The following HECW1 variants were observed in gnomAD, a reference collection of about 807,000 sequenced individuals.
HECW1 encodes HECT, C2 and WW domain containing E3 ubiquitin protein ligase 1, also known as E3 ubiquitin-protein ligase HECW1.
In HECW1, 61 loss-of-function variants were observed where a neutral mutation model predicts 182.3. That is an observed-to-expected ratio of 0.33 (90% CI 0.27 to 0.41). HECW1 has a LOEUF of 0.41. Ranked by LOEUF, HECW1 falls within the 10% of genes least tolerant of loss-of-function variation. HECW1 has a pLI of 1.00. For synonymous variants in HECW1, 859 were observed against 832.6 expected, an observed-to-expected ratio of 1.03 and a Z score of -0.55; for missense variants, 1,739 against 2,108.9, an observed-to-expected ratio of 0.82 and a Z score of 3.44.
intron 14 of HECW1, 145 bp downstream of exon 14, chr7:43,463,944 C>A: frequency 1.2e-6 from 1 of 855,722 alleles, no homozygotes; most frequent in South Asian, 2.0e-5. Context: ...CAGAGGCATG[C>A]CTGGTGCCCG....
chr7:43,196,756 G>A (rs1254687204), intron 2 of HECW1, among the ~76,000 whole-genome samples: 1 of 152,096 alleles, frequency 6.6e-6, no homozygotes, highest in Non-Finnish European at 1.5e-5. Context: ...AAGTAAGTTT[G>A]GAGTTACATT....
chr7:43,444,865 A>G lies in HECW1; in HGVS notation c.1693A>G (p.Thr565Ala). The stretch of plus-strand genomic sequence containing the variant: ...GCGGACACACTACATCCGCATCCAC[A>G]CCCTGCTGCACAGCATGCCCTCCGC... ...TPRTHYIRIH[T>A]LLHSMPSAQG... Residue 565 changes from threonine (T) to alanine (A), a missense_variant, in exon 11 of 30, where the codon ACC (threonine) becomes GCC (alanine). Around this residue, in one of 5 missense-constraint regions of HECW1, gnomAD observed 971 missense variants for 1,029.1 expected, o/e 0.94. Coordinates refer to ENST00000395891, the MANE Select transcript of HECW1 (RefSeq NM_015052.5). This position sits in a 1 kb window ranked among gnomAD's most constrained non-coding sequence, Gnocchi z 4.3. The G allele has an allele frequency of 6.2e-7, 1 of 1,610,332 alleles. No homozygotes were observed. The highest frequency in any genetic ancestry group is 1.3e-5 in the African/African-American group (1 of 74,974).
chr7:43,182,745 CT>C (rs1013778407), intron 2 of HECW1, among the ~76,000 whole-genome samples: 3 of 87,956 alleles, frequency 3.4e-5, no homozygotes, highest in African/African-American at 1.3e-4. Flanking sequence ...CTGTAGATCA[CT>C]TTTGGTAGTA....
In HECW1 at chr7:43,445,194, C is replaced by G. The variant is rs963677639; in HGVS notation, c.2022C>G (p.Asp674Glu). ...GGGACCACAGTTGCGAGGGCTGTGACGCGTCCTGCTGCAGCCCCTCGTGCT... is the reference window on the plus strand; with the variant it reads ...GGGACCACAGTTGCGAGGGCTGTGAGGCGTCCTGCTGCAGCCCCTCGTGCT... ...QGGDHSCEGC[D>E]ASCCSPSCYS... Residue 674 changes from aspartate to glutamate, a missense_variant, in exon 11 of 30, where the codon GAC (aspartate) becomes GAG (glutamate). Physicochemically the swap from Asp to Glu is conservative, Grantham distance 45. Around this residue, in one of 5 missense-constraint regions of HECW1, gnomAD observed 971 missense variants for 1,029.1 expected, o/e 0.94. Coordinates refer to ENST00000395891, the MANE Select transcript of HECW1 (RefSeq NM_015052.5). 1 of 1,612,830 alleles carries G rather than the reference C, an allele frequency of 6.2e-7. No homozygotes were observed. The highest frequency in any genetic ancestry group is 8.5e-7 in the Non-Finnish European group (1 of 1,179,582).
At chr7:43,218,440 C>A (rs2152700921) in intron 2 of HECW1, among the ~76,000 whole-genome samples, 1 of 152,228 alleles carries the variant, frequency 6.6e-6, no homozygotes, top group Admixed American at 6.5e-5. Flanking sequence ...CTTGGATGCA[C>A]ATCTTTATCT....
chr7:43,426,788 A>G (rs1307538377), intron 8 of HECW1, among the ~76,000 whole-genome samples: 1 of 152,072 alleles, frequency 6.6e-6, no homozygotes, highest in Non-Finnish European at 1.5e-5. Flanking sequence ...TTATTTATTC[A>G]GGTTTTCTAT....
intron 26 of HECW1, among the ~76,000 whole-genome samples, chr7:43,545,898 G>T (rs1360828228): frequency 6.6e-6 from 1 of 151,946 alleles, no homozygotes; most frequent in South Asian, 2.1e-4. Context: ...AATTTCTGTC[G>T]TTTTTGCTTT....
chr7:43,282,765 A>G (rs904034614), intron 3 of HECW1, among the ~76,000 whole-genome samples: 1 of 152,178 alleles, frequency 6.6e-6, no homozygotes. Context: ...CTAACTGACA[A>G]TGTATAGAAT....
intron 2 of HECW1, among the ~76,000 whole-genome samples, chr7:43,122,935 T>C (rs1305431471): frequency 6.6e-6 from 1 of 152,236 alleles, no homozygotes; most frequent in South Asian, 2.1e-4. Context: ...AAACATTTCT[T>C]GAGCTATTAT....
At chr7:43,318,683 A>G (rs1169332498) in intron 4 of HECW1, among the ~76,000 whole-genome samples, 1 of 152,268 alleles carries the variant, frequency 6.6e-6, no homozygotes, top group East Asian at 1.9e-4. Flanking sequence ...CTTCAAGCTC[A>G]GTGCTTTTTG....
intron 27 of HECW1, among the ~76,000 whole-genome samples, chr7:43,551,337 GA>G (rs1300398136): frequency 6.6e-6 from 1 of 152,168 alleles, no homozygotes; most frequent in African/African-American, 2.4e-5. Flanking sequence ...GAGAGAAGAA[GA>G]GAAGGAAAAG....
At chr7:43,212,855 A>C (rs1796117957) in intron 2 of HECW1, among the ~76,000 whole-genome samples, 1 of 152,336 alleles carries the variant, frequency 6.6e-6, no homozygotes, top group African/African-American at 2.4e-5. Flanking sequence ...TCTGAAAAAG[A>C]TCTTATTTGG....
At chr7:43,136,655 T>G (rs1583642145) in intron 2 of HECW1, among the ~76,000 whole-genome samples, 1 of 152,268 alleles carries the variant, frequency 6.6e-6, no homozygotes, top group African/African-American at 2.4e-5. Flanking sequence ...GGTGGAAGAT[T>G]TCCAGCCCGT....
chr7:43,115,386 G>A (rs1482388647), intron 2 of HECW1, among the ~76,000 whole-genome samples: 1 of 151,514 alleles, frequency 6.6e-6, no homozygotes, highest in Non-Finnish European at 1.5e-5. Context: ...TGGATAACAG[G>A]TGTTCTCCTT....
chr7:43,548,933 G>A (rs1030796397), intron 26 of HECW1, among the ~76,000 whole-genome samples: 9 of 152,178 alleles, frequency 5.9e-5, no homozygotes, highest in Non-Finnish European at 7.4e-5. Flanking sequence ...GACAGAGTGA[G>A]ACCCTGTCTC....
At chr7:43,538,709 A>G (rs1210983010) in intron 24 of HECW1, among the ~76,000 whole-genome samples, 1 of 152,216 alleles carries the variant, frequency 6.6e-6, no homozygotes, top group Non-Finnish European at 1.5e-5. Context: ...GGAGATGACC[A>G]AAACCATAAA....
chr7:43,207,597 A>G (rs1463360770), intron 2 of HECW1, among the ~76,000 whole-genome samples: 2 of 152,112 alleles, frequency 1.3e-5, no homozygotes, highest in Admixed American at 1.3e-4. Context: ...CTGAAATTTT[A>G]TGTCTTTCAA....
chr7:43,310,167 T>C (rs902009136), intron 3 of HECW1, among the ~76,000 whole-genome samples: 2 of 152,206 alleles, frequency 1.3e-5, no homozygotes, highest in Non-Finnish European at 2.9e-5. Flanking sequence ...CCTTGTGCTC[T>C]TGCAGCAGCC....
chr7:43,195,818 T>G (rs1307147786), intron 2 of HECW1, among the ~76,000 whole-genome samples: 1 of 152,132 alleles, frequency 6.6e-6, no homozygotes, highest in Non-Finnish European at 1.5e-5. Context: ...AACCAAGGGG[T>G]GGAATACTCA....
Sources: gnomAD v4.1 joint callset for allele counts (sites outside exome capture counted in the v4.1 genomes callset) on GRCh38, gnomAD v4.1.1 for gene constraint, gnomAD v4.1.1 regional missense constraint, Gnocchi (gnomAD v3.1) non-coding constraint, MANE v1.5 for transcripts, NCBI Gene and HGNC (gene_info 2026-07-23, HGNC 2026-07-21) for gene names.